GKAP1: variants seen among roughly 807,000 people sequenced by gnomAD.
GKAP1 encodes G kinase-anchoring protein 1.
In GKAP1, 31 loss-of-function variants were observed where a neutral mutation model predicts 56.7. That is an observed-to-expected ratio of 0.55 (90% CI 0.41 to 0.74). The LOEUF (loss-of-function observed/expected upper bound fraction) is 0.74. GKAP1 is among the 30% of genes least tolerant of loss of function. GKAP1 has a pLI of 0.00. For synonymous variants in GKAP1, 151 were observed against 138.6 expected (o/e 1.09, Z -0.63); for missense variants, 364 against 402.3 (o/e 0.90, Z 0.82).
chr9:83,817,762 G>T lies in GKAP1; in HGVS notation c.-421C>A. 6.6e-6 allele frequency: 1 copy of T among 152,326 alleles called. No homozygotes were observed. The highest frequency in any genetic ancestry group is 1.9e-4 in the South Asian group (1 of 5,164). 9.4% of individuals were successfully genotyped at this position (152,326 alleles called of 1,614,324 possible). A position where few individuals can be genotyped will look rare whatever the true frequency, so the allele number is the denominator to read the frequency against. On this transcript the variant is annotated 5_prime_UTR_variant, in exon 1 of 13. Coordinates refer to ENST00000376371, the MANE Select transcript of GKAP1 (RefSeq NM_025211.4). Reference sequence around the variant, plus strand: ...GCTGCAGGCTGCGGTGAGGGGCGGGGAGAGCGCGGCTGAGAGCAGGCGGGC... The same window carrying T: ...GCTGCAGGCTGCGGTGAGGGGCGGGTAGAGCGCGGCTGAGAGCAGGCGGGC...
At chr9:83,745,571 G>A (rs1269929828) in intron 10 of GKAP1, among the ~76,000 whole-genome samples, 2 of 152,054 alleles carry the variant, frequency 1.3e-5, no homozygotes, top group Non-Finnish European at 2.9e-5. Context: ...AGTGTTTTAT[G>A]GGGAGGAAAT....
intron 9 of GKAP1, among the ~76,000 whole-genome samples, chr9:83,750,472 T>C (rs866007776): frequency 2.6e-5 from 4 of 152,198 alleles, no homozygotes; most frequent in African/African-American, 7.2e-5. Flanking sequence ...TACTTATCCA[T>C]TGTTTTAGCA....
At chr9:83,763,410 T>C (rs1943608247) in intron 8 of GKAP1, among the ~76,000 whole-genome samples, 1 of 152,212 alleles carries the variant, frequency 6.6e-6, no homozygotes, top group South Asian at 2.1e-4. Flanking sequence ...AATTTAATTG[T>C]ACATTTAAAA....
At position 83,743,999 on chromosome 9, in the gene GKAP1, CT is replaced by C. The variant is rs1943249433; in HGVS notation, c.905-1400del. 2.0e-5 allele frequency among the ~76,000 whole-genome samples: 3 copies of C among 152,260 alleles called. No individual in the cohort carries two copies. The East Asian group carries it at 5.8e-4, about 29-fold the overall frequency. ...AATTAGCAAAGGAGGAAAATGACTA[CT>C]GATATCACCACAGCTCTGCCAATGT... On this transcript the variant is annotated intron_variant, in intron 10 of 12. Transcript: ENST00000376371.
intron 2 of GKAP1, among the ~76,000 whole-genome samples, chr9:83,816,220 G>A (rs1369906555): frequency 6.6e-6 from 1 of 151,884 alleles, no homozygotes; most frequent in African/African-American, 2.4e-5. Context: ...TTCACAATCA[G>A]CAAGTGTGAA....
At chr9:83,766,514 T>C (rs1454612496) in intron 8 of GKAP1, among the ~76,000 whole-genome samples, 2 of 152,240 alleles carry the variant, frequency 1.3e-5, no homozygotes. Context: ...GTGTTATTTA[T>C]AGACAAACCT....
chr9:83,778,348 T>C (rs1487984295), intron 7 of GKAP1, among the ~76,000 whole-genome samples: 1 of 152,136 alleles, frequency 6.6e-6, no homozygotes, highest in East Asian at 1.9e-4. Context: ...ATATGCACCA[T>C]GGAATACTAT....
chr9:83,781,149 G>T (rs1943965250), intron 6 of GKAP1, among the ~76,000 whole-genome samples: 1 of 152,156 alleles, frequency 6.6e-6, no homozygotes, highest in Non-Finnish European at 1.5e-5. Context: ...GATCACCTGA[G>T]GCCAGGAGTT....
Position 83,798,311 on chromosome 9 carries a change from C to G in GKAP1, c.360+874G>C, listed in dbSNP as rs566167885. On this transcript the variant is annotated intron_variant, in intron 4 of 12. Coordinates refer to ENST00000376371, the MANE Select transcript of GKAP1 (RefSeq NM_025211.4). ...TATACATATAGCATCTCCTAGAGTA[C>G]ATTCCAGGCTTAGTATGTTATTTTC... Among the ~76,000 whole-genome samples the G allele has an allele frequency of 2.0e-5, 3 of 152,280 alleles. No homozygotes were observed. In the East Asian group the frequency reaches 5.8e-4, roughly 29 times the overall value.
intron 4 of GKAP1, among the ~76,000 whole-genome samples, chr9:83,797,297 C>T (rs1199022183): frequency 6.6e-6 from 1 of 152,142 alleles, no homozygotes; most frequent in Non-Finnish European, 1.5e-5. Context: ...CTGGCTCAGC[C>T]CTCCATCCCC....
intron 3 of GKAP1, among the ~76,000 whole-genome samples, chr9:83,803,399 T>C (rs6559743): frequency 0.67 from 100,904 of 151,706 alleles, 34,146 homozygotes; most frequent in African/African-American, 0.77. Flanking sequence ...ATTGCAGGCG[T>C]GTGCCACCAC....
chr9:83,790,412 C>G (rs754818851), intron 4 of GKAP1, among the ~76,000 whole-genome samples: 1 of 152,142 alleles, frequency 6.6e-6, no homozygotes, highest in Non-Finnish European at 1.5e-5. Flanking sequence ...CCATCAATTT[C>G]TCCACCTAAC....
chr9:83,780,271 A>G, intron 7 of GKAP1, 111 bp downstream of exon 7: 3 of 666,148 alleles, frequency 4.5e-6, no homozygotes, highest in Admixed American at 2.9e-5. Context: ...AGACAAACCT[A>G]TGGGTTGTCC....
chr9:83,779,470 T>C (rs377358919), intron 7 of GKAP1, among the ~76,000 whole-genome samples: 482 of 39,782 alleles, frequency 0.012, 2 homozygotes, highest in Non-Finnish European at 0.019. Flanking sequence ...CACACGCACA[T>C]ATACATATAC....
intron 2 of GKAP1, among the ~76,000 whole-genome samples, chr9:83,808,441 C>CA (rs1209402793): frequency 2.0e-5 from 3 of 151,896 alleles, no homozygotes; most frequent in African/African-American, 7.3e-5. Flanking sequence ...ACTAAAAATA[C>CA]AAAAAATTAG....
chr9:83,812,366 T>C (rs936634575), intron 2 of GKAP1, among the ~76,000 whole-genome samples: 2 of 149,460 alleles, frequency 1.3e-5, no homozygotes, highest in Non-Finnish European at 3.0e-5. Flanking sequence ...TATATTTTTT[T>C]TTAGACAGGG....
intron 2 of GKAP1, among the ~76,000 whole-genome samples, chr9:83,806,976 A>G (rs1944449211): frequency 6.6e-6 from 1 of 152,242 alleles, no homozygotes; most frequent in African/African-American, 2.4e-5. Flanking sequence ...AATACAAGAA[A>G]AAAAGGAGTA....
At position 83,800,648 on chromosome 9, in the gene GKAP1, T is replaced by TTAC. The variant is rs150520680; in HGVS notation, c.217-1323_217-1321dup. Among the ~76,000 whole-genome samples the TTAC allele has an allele frequency of 7.8e-3, 1,191 of 152,296 alleles. 13 individuals are homozygous for TTAC. The highest frequency in any genetic ancestry group is 0.027 in the African/African-American group (1,140 of 41,542). The stretch of plus-strand genomic sequence containing the variant: ...ACCGCGCCCGGCCCCCACTGCCTCC[T>TTAC]TACATATTTTAAGTTCAACTTGAAA... On this transcript the variant is annotated intron_variant, in intron 3 of 12. Coordinates refer to ENST00000376371, the MANE Select transcript of GKAP1 (RefSeq NM_025211.4).
chr9:83,762,041 G>A (rs1209206711), intron 8 of GKAP1, among the ~76,000 whole-genome samples: 1 of 152,066 alleles, frequency 6.6e-6, no homozygotes, highest in Non-Finnish European at 1.5e-5. Context: ...CGTAGTACTG[G>A]AAGTCCTAGC....
Sources: allele counts gnomAD v4.1 joint callset (sites outside exome capture counted in the v4.1 genomes callset), GRCh38; gene constraint gnomAD v4.1.1; transcripts MANE v1.5; gene names NCBI Gene and HGNC (gene_info 2026-07-23, HGNC 2026-07-21).